The following GNG2 variants were observed in gnomAD, a reference collection of about 807,000 sequenced individuals.
GNG2 encodes the protein G protein subunit gamma 2.
In GNG2, 5 loss-of-function variants were observed where a neutral mutation model predicts 5.5. That is an observed-to-expected ratio of 0.91 (90% confidence interval 0.48 to 1.92). The LOEUF (loss-of-function observed/expected upper bound fraction) is 1.92. GNG2 is among the 30% of genes most tolerant of loss of function. GNG2 has a pLI of 0.01. For missense variants in GNG2, 55 were observed against 88.4 expected (o/e 0.62, Z 1.52); for synonymous variants, 28 against 32.0 (o/e 0.88, Z 0.42).
At chr14:51,880,689 A>G (rs1233015983) in intron 2 of GNG2, among the ~76,000 whole-genome samples, 1 of 152,180 alleles carries the variant, frequency 6.6e-6, no homozygotes, top group Non-Finnish European at 1.5e-5. Flanking sequence ...CTTATTTGCC[A>G]AGACAGGGCT....
intron 2 of GNG2, among the ~76,000 whole-genome samples, chr14:51,918,883 G>T (rs955141718): frequency 6.6e-6 from 1 of 152,166 alleles, no homozygotes; most frequent in Admixed American, 6.5e-5. Context: ...AGAGTACAGT[G>T]GTACGATCTC....
At chr14:51,890,900 T>TAC (rs372834771) in intron 2 of GNG2, among the ~76,000 whole-genome samples, 75,732 of 152,004 alleles carry the variant, frequency 0.5, 19,283 homozygotes, top group African/African-American at 0.6. Flanking sequence ...ATACACATGG[T>TAC]ATATGAAATT....
intron 2 of GNG2, among the ~76,000 whole-genome samples, chr14:51,946,564 T>G (rs1888655619): frequency 6.6e-6 from 1 of 152,114 alleles, no homozygotes; most frequent in African/African-American, 2.4e-5. Flanking sequence ...ATGGCTTAAT[T>G]CACAATCTCA....
chr14:51,890,983 A>G (rs779038619), intron 2 of GNG2, among the ~76,000 whole-genome samples: 1 of 152,232 alleles, frequency 6.6e-6, no homozygotes, highest in Admixed American at 6.5e-5. Flanking sequence ...TACATTCTTT[A>G]GAGAAGTGAC....
At chr14:51,858,225 T>C (rs532848663), upstream of GNG2, among the ~76,000 whole-genome samples, 1 of 152,164 alleles carries the variant, frequency 6.6e-6, no homozygotes, top group South Asian at 2.1e-4. Context: ...CTGGCCAAGC[T>C]ATACCCCCAC....
At chr14:51,845,800 C>T (rs12431994) in intron 2 of GNG2, among the ~76,000 whole-genome samples, 25,869 of 152,104 alleles carry the variant, frequency 0.17, 2,279 homozygotes, top group Non-Finnish European at 0.19. Flanking sequence ...TTTTACCCTG[C>T]GTGCCACCTA....
chr14:51,916,429 A>G (rs1411592871), intron 2 of GNG2: 1 of 452,712 alleles, frequency 2.2e-6, no homozygotes, highest in African/African-American at 2.0e-5. Flanking sequence ...ATTTTGTACT[A>G]AGTTATTTCA....
At chr14:51,930,545 C>A (rs1455935104) in intron 2 of GNG2, among the ~76,000 whole-genome samples, 1 of 152,212 alleles carries the variant, frequency 6.6e-6, no homozygotes, top group East Asian at 1.9e-4. Context: ...TCTTCATCTG[C>A]AAAATCGGTT....
intron 2 of GNG2, among the ~76,000 whole-genome samples, chr14:51,934,177 G>T (rs997670652): frequency 6.6e-6 from 1 of 152,098 alleles, no homozygotes; most frequent in Admixed American, 6.5e-5. Context: ...GCACGTGAGG[G>T]CATGAGGGTT....
chr14:51,907,548 A>G (rs1886010302), intron 2 of GNG2, among the ~76,000 whole-genome samples: 1 of 152,216 alleles, frequency 6.6e-6, no homozygotes, highest in South Asian at 2.1e-4. Flanking sequence ...CAAGGAAACA[A>G]TGGACAGCTT....
chr14:51,837,130 A>AT (rs1022880196), intron 2 of GNG2, among the ~76,000 whole-genome samples: 16 of 151,904 alleles, frequency 1.1e-4, no homozygotes, highest in African/African-American at 3.9e-4. Context: ...AAGTGCTGGG[A>AT]TTATAGGCAT....
chr14:51,957,156 G>C (rs1566714327), intron 3 of GNG2, among the ~76,000 whole-genome samples: 1 of 151,552 alleles, frequency 6.6e-6, no homozygotes, highest in African/African-American at 2.4e-5. Flanking sequence ...TTGTGCAGTA[G>C]ATCCCACCTC....
intron 2 of GNG2, among the ~76,000 whole-genome samples, chr14:51,939,079 C>T (rs1888170817): frequency 6.6e-6 from 1 of 151,960 alleles, no homozygotes; most frequent in South Asian, 2.1e-4. Context: ...TTGTTGGAAC[C>T]CTACTGGTTC....
At chr14:51,922,553 T>C (rs1887077440) in intron 2 of GNG2, among the ~76,000 whole-genome samples, 1 of 152,156 alleles carries the variant, frequency 6.6e-6, no homozygotes, top group African/African-American at 2.4e-5. Flanking sequence ...TATCCAACAC[T>C]GTCGCTTTTA....
At chr14:51,960,583 G>C (rs766741796) in intron 3 of GNG2, among the ~76,000 whole-genome samples, 1 of 123,866 alleles carries the variant, frequency 8.1e-6, no homozygotes, top group African/African-American at 3.6e-5. Context: ...TCATGTGGAC[G>C]ATATTAACAA....
chr14:51,947,001 G>A (rs923980805), intron 2 of GNG2, among the ~76,000 whole-genome samples: 3 of 152,170 alleles, frequency 2.0e-5, no homozygotes, highest in Non-Finnish European at 2.9e-5. Flanking sequence ...GGTTCATACA[G>A]TTAAACAAGA....
chr14:51,843,587 A>AG (rs764004834), intron 2 of GNG2, among the ~76,000 whole-genome samples: 1 of 37,452 alleles, frequency 2.7e-5, no homozygotes. Flanking sequence ...TAAAAAAAAA[A>AG]AAAACTCAAA....
intron 2 of GNG2, among the ~76,000 whole-genome samples, chr14:51,890,174 C>G (rs1031319618): frequency 1.3e-5 from 2 of 152,176 alleles, no homozygotes; most frequent in African/African-American, 2.4e-5. Flanking sequence ...TCTTCCTTCA[C>G]CTGGTGAAAC....
upstream of GNG2, among the ~76,000 whole-genome samples, chr14:51,858,852 C>G (rs1026207193): frequency 6.6e-6 from 1 of 152,124 alleles, no homozygotes; most frequent in Non-Finnish European, 1.5e-5. Context: ...TTAAATCAAT[C>G]CATTTTGTAA....
Sources: gnomAD v4.1 joint callset for allele counts (sites outside exome capture counted in the v4.1 genomes callset) on GRCh38, gnomAD v4.1.1 for gene constraint, MANE v1.5 for transcripts, NCBI Gene and HGNC (gene_info 2026-07-23, HGNC 2026-07-21) for gene names.